KLHL8: variants seen among roughly 807,000 people sequenced by gnomAD.
KLHL8 encodes kelch like family member 8.
A neutral mutation model predicts 63.5 loss-of-function variants in KLHL8; 38 were observed. That is an observed-to-expected ratio of 0.60 (90% CI 0.46 to 0.78). The LOEUF (loss-of-function observed/expected upper bound fraction) is 0.78, where lower values mean the gene tolerates loss of function less well. KLHL8 is among the 30% of genes least tolerant of loss of function. KLHL8 has a pLI of 0.00. For synonymous variants in KLHL8, 224 were observed against 254.3 expected (o/e 0.88, Z 1.13); for missense variants, 566 against 752.4 (o/e 0.75, Z 2.90).
intron 2 of KLHL8, 61 bp from the exon 3 acceptor site, chr4:87,185,860 T>C (rs1289883338): frequency 7.2e-7 from 1 of 1,379,554 alleles, no homozygotes. Flanking sequence ...AGGTCAGCAT[T>C]TAACATGTGT....
intron 3 of KLHL8, 77 bp from the exon 4 acceptor site, chr4:87,183,466 A>G (rs1245516028): frequency 8.5e-7 from 1 of 1,175,036 alleles, no homozygotes; most frequent in Non-Finnish European, 1.2e-6. Flanking sequence ...ATTGTATCAA[A>G]TAAAGGTGAA....
chr4:87,229,780 G>A (rs1733103308), intron 1 of KLHL8, among the ~76,000 whole-genome samples: 2 of 149,524 alleles, frequency 1.3e-5, no homozygotes, highest in South Asian at 4.3e-4. Context: ...ACCCAGGCTG[G>A]AGTGCAGTGG....
At chr4:87,226,203 G>A (rs529747844) in intron 1 of KLHL8, among the ~76,000 whole-genome samples, 72 of 152,264 alleles carry the variant, frequency 4.7e-4, no homozygotes, top group African/African-American at 1.7e-3. Flanking sequence ...ATGTAATTGT[G>A]TTTCCATTGC....
intron 2 of KLHL8, among the ~76,000 whole-genome samples, chr4:87,194,260 T>A (rs573279312): frequency 1.3e-5 from 2 of 152,282 alleles, no homozygotes; most frequent in African/African-American, 4.8e-5. Flanking sequence ...ACAGTGTTCA[T>A]CCCCTCTGGA....
At chr4:87,170,279 T>A in intron 7 of KLHL8, 41 bp from the exon 8 acceptor site, 1 of 1,566,722 alleles carries the variant, frequency 6.4e-7, no homozygotes, top group Non-Finnish European at 8.7e-7. Flanking sequence ...AGATTTCGAA[T>A]TTATTTATAT....
intron 1 of KLHL8, among the ~76,000 whole-genome samples, chr4:87,206,722 G>C (rs911420766): frequency 2.0e-5 from 3 of 152,176 alleles, no homozygotes; most frequent in African/African-American, 7.2e-5. Context: ...CCTTGTGAGG[G>C]AATGATGTCA....
rs913736459 is a variant in KLHL8 at position 87,161,139 on chromosome 4, G to A, written c.*2380C>T. Reference sequence around the variant, plus strand: ...GCTCATTGCAACCTCCACCTCCTGGGTTCAAGCAATTCTCCTGCCTCAGCC... The same window carrying A: ...GCTCATTGCAACCTCCACCTCCTGGATTCAAGCAATTCTCCTGCCTCAGCC... On this transcript the variant is annotated 3_prime_UTR_variant, in exon 10 of 10. Transcript: ENST00000273963. 6.6e-6 allele frequency: 1 copy of A among 151,532 alleles called. No homozygotes were observed. Among genetic ancestry groups the A allele is most frequent in the Non-Finnish European group, 1.5e-5 (1 of 68,002 alleles). The allele number at this position is 151,532 out of a possible 1,614,324, so 9.4% of individuals were successfully genotyped here.
intron 2 of KLHL8, among the ~76,000 whole-genome samples, chr4:87,187,171 C>T (rs1315998754): frequency 6.6e-6 from 1 of 152,166 alleles, no homozygotes; most frequent in Admixed American, 6.5e-5. Flanking sequence ...TATGTGAATA[C>T]ATAATGTCAA....
intron 4 of KLHL8, among the ~76,000 whole-genome samples, chr4:87,181,863 C>T (rs1470517937): frequency 6.6e-6 from 1 of 152,068 alleles, no homozygotes; most frequent in East Asian, 1.9e-4. Context: ...GAATTCAATT[C>T]TGAGTTTGAA....
At chr4:87,179,339 C>A (rs1730957912) in intron 4 of KLHL8, among the ~76,000 whole-genome samples, 1 of 152,184 alleles carries the variant, frequency 6.6e-6, no homozygotes, top group Non-Finnish European at 1.5e-5. Flanking sequence ...AAAATCCTGT[C>A]CTCTCTTAAC....
Position 87,185,657 on chromosome 4 carries a change from T to C in KLHL8, c.359A>G (p.Asp120Gly). 1 of 1,614,152 alleles carries C rather than the reference T, an allele frequency of 6.2e-7. No homozygotes were observed. Among genetic ancestry groups the C allele is most frequent in the Non-Finnish European group, 8.5e-7 (1 of 1,180,028 alleles). Residue 120 changes from aspartate to glycine, a missense_variant, in exon 3 of 10, where the codon GAC becomes GGC. Physicochemically the swap from Asp to Gly is moderately conservative, Grantham distance 94 (BLOSUM62 -1). Transcript: ENST00000273963. Reference sequence around the variant, plus strand: ...TGAAGAATAGACAAACTTTACCAAGTCTTCTATTGCATCACCATCAAAATC... The same window carrying C: ...TGAAGAATAGACAAACTTTACCAAGCCTTCTATTGCATCACCATCAAAATC... ...IRDFDGDAIE[D>G]LVKFVYSSRL... is the part of the protein sequence containing the mutation.
At chr4:87,231,551 T>G (rs1173327006) in intron 1 of KLHL8, among the ~76,000 whole-genome samples, 2 of 152,160 alleles carry the variant, frequency 1.3e-5, no homozygotes, top group African/African-American at 4.8e-5. Flanking sequence ...GTGGCAGGCA[T>G]GTACAAGGAC....
In KLHL8 at chr4:87,212,222, C is replaced by T. The variant is rs147185852; in HGVS notation, c.-152+8196G>A. On this transcript the variant is annotated intron_variant, in intron 1 of 9. Transcript: ENST00000273963. ...AGATATCCAAAATCTTTTTAATTTA[C>T]GTGCCCTCTCATGTAACAGTTCCAC... Among the ~76,000 whole-genome samples the T allele has an allele frequency of 1.6e-3, 247 of 152,282 alleles. 1 individual carries two copies. The highest frequency in any genetic ancestry group is 3.3e-3 in the South Asian group (16 of 4,824).
chr4:87,209,974 C>T (rs979857297), intron 1 of KLHL8, among the ~76,000 whole-genome samples: 13 of 151,794 alleles, frequency 8.6e-5, no homozygotes, highest in Non-Finnish European at 1.8e-4. Context: ...CCACCTCAGC[C>T]TTCTGAGTAG....
At chr4:87,219,621 C>A (rs1732742179) in intron 1 of KLHL8, 1 of 152,286 alleles carries the variant, frequency 6.6e-6, no homozygotes, top group Admixed American at 6.5e-5. Context: ...GCACGAGACA[C>A]GTAGAAAATT....
chr4:87,177,537 CTATA>C (rs10631485), intron 5 of KLHL8, among the ~76,000 whole-genome samples: 5 of 149,768 alleles, frequency 3.3e-5, no homozygotes, highest in Admixed American at 6.7e-5. Context: ...CAAACAAAAA[CTATA>C]TATATATATA....
intron 2 of KLHL8, 117 bp from the exon 3 acceptor site, chr4:87,185,916 A>G: frequency 1.2e-6 from 1 of 811,618 alleles, no homozygotes; most frequent in Non-Finnish European, 1.9e-6. Flanking sequence ...GTATCTTTTT[A>G]TAAGGCGATC....
intron 1 of KLHL8, among the ~76,000 whole-genome samples, chr4:87,228,331 G>A (rs1733070890): frequency 6.6e-6 from 1 of 152,180 alleles, no homozygotes; most frequent in South Asian, 2.1e-4. Context: ...TGGTTCAGAG[G>A]TGACGGTGGT....
chr4:87,195,220 C>A, intron 2 of KLHL8, 104 bp downstream of exon 2: 1 of 787,506 alleles, frequency 1.3e-6, no homozygotes, highest in Non-Finnish European at 2.0e-6. Flanking sequence ...CTGACTGTAT[C>A]AAATATGTAT....
Sources: gnomAD v4.1 joint callset for allele counts (sites outside exome capture counted in the v4.1 genomes callset) on GRCh38, gnomAD v4.1.1 for gene constraint, MANE v1.5 for transcripts, NCBI Gene and HGNC (gene_info 2026-07-23, HGNC 2026-07-21) for gene names.